The following NEBL variants were observed in gnomAD, a reference collection of about 807,000 sequenced individuals.
NEBL encodes the protein nebulette, also known as LIM and SH3 protein 2.
Under a neutral mutation model 140.2 loss-of-function variants are expected in NEBL, and 122 were observed. The observed-to-expected ratio is 0.87, with a 90% CI of 0.75 to 1.01. NEBL has a LOEUF of 1.01. Ranked by LOEUF, NEBL falls within the 50% of genes least tolerant of loss-of-function variation. The pLI, the probability that NEBL is intolerant of heterozygous loss-of-function variation, is 0.00. For missense variants in NEBL, 1,365 were observed against 1,231.3 expected (o/e 1.11, Z -1.62); for synonymous variants, 436 against 398.9 (o/e 1.09, Z -1.11).
At chr10:20,830,387 G>T (rs910113112) in intron 16 of NEBL, among the ~76,000 whole-genome samples, 6 of 151,930 alleles carry the variant, frequency 3.9e-5, no homozygotes, top group African/African-American at 1.5e-4. Flanking sequence ...TTACAGCAAA[G>T]ATATTATTTG....
intron 2 of NEBL, chr10:21,113,179 T>C: frequency 1.4e-5 from 4 of 292,748 alleles, no homozygotes; most frequent in South Asian, 7.0e-5. Flanking sequence ...GAAGAAAAAG[T>C]GCCAGTGAAG....
intron 14 of NEBL, among the ~76,000 whole-genome samples, chr10:20,833,960 G>T (rs1351111743): frequency 6.6e-6 from 1 of 152,064 alleles, no homozygotes; most frequent in Non-Finnish European, 1.5e-5. Context: ...TCTATGCTTT[G>T]GTTGGCGCCA....
chr10:21,073,432 C>A (rs908387929), intron 2 of NEBL, among the ~76,000 whole-genome samples: 2 of 151,436 alleles, frequency 1.3e-5, no homozygotes, highest in Admixed American at 6.6e-5. Context: ...ACCTGGCCAA[C>A]GTGGTGAAAC....
chr10:20,834,144 T>G (rs886434662), intron 14 of NEBL, among the ~76,000 whole-genome samples: 6 of 152,134 alleles, frequency 3.9e-5, no homozygotes, highest in Non-Finnish European at 7.3e-5. Context: ...TAGACCTATA[T>G]GAAGGAACAT....
At chr10:21,018,074 G>A (rs892851117) in intron 3 of NEBL, among the ~76,000 whole-genome samples, 1 of 152,058 alleles carries the variant, frequency 6.6e-6, no homozygotes, top group South Asian at 2.1e-4. Context: ...CACCCACCTC[G>A]GCCTCCCAAA....
chr10:21,288,820 G>GTGTGTGTATATATATATATATATA (rs1477748950), intron 1 of NEBL, among the ~76,000 whole-genome samples: 2 of 35,024 alleles, frequency 5.7e-5, no homozygotes, highest in African/African-American at 1.9e-4. Flanking sequence ...GTGTGTGTGT[G>GTGTGTGTATATATATATATATATA]TATATATATA....
intron 3 of NEBL, among the ~76,000 whole-genome samples, chr10:21,015,359 G>A (rs947989074): frequency 4.6e-5 from 7 of 152,184 alleles, no homozygotes; most frequent in South Asian, 2.1e-4. Context: ...CCATTTCAAC[G>A]GCTTTGAGAA....
At chr10:21,056,772 A>G (rs1167205081) in intron 2 of NEBL, among the ~76,000 whole-genome samples, 1 of 152,224 alleles carries the variant, frequency 6.6e-6, no homozygotes, top group African/African-American at 2.4e-5. Context: ...AAGAAAGCAA[A>G]TCACAAAATC....
chr10:20,802,221 C>T (rs1209891359), intron 26 of NEBL, among the ~76,000 whole-genome samples: 2 of 152,150 alleles, frequency 1.3e-5, no homozygotes, highest in South Asian at 4.1e-4. Context: ...GAAGCAGATA[C>T]ACATTGCAGG....
At chr10:20,868,523 G>T in intron 7 of NEBL, 141 bp downstream of exon 7, 1 of 714,786 alleles carries the variant, frequency 1.4e-6, no homozygotes, top group South Asian at 1.6e-5. Flanking sequence ...ATGATTGCAA[G>T]CCCATCTGAA....
chr10:21,239,753 C>T (rs1196837117), intron 3 of NEBL, among the ~76,000 whole-genome samples: 1 of 152,158 alleles, frequency 6.6e-6, no homozygotes, highest in African/African-American at 2.4e-5. Context: ...CGCGGTGGCT[C>T]ACGCCTGTAA....
chr10:21,029,158 A>G lies in NEBL; in HGVS notation c.165-8957T>C. Reference sequence around the variant, plus strand: ...TGACCTGGAAGGAGATGTTTCAACGATTTGACACAGTAATGATAACAATGT... The same window carrying G: ...TGACCTGGAAGGAGATGTTTCAACGGTTTGACACAGTAATGATAACAATGT... On this transcript the variant is annotated intron_variant, in intron 2 of 6. Coordinates refer to the NEBL transcript ENST00000417816. 3 of 1,337,254 alleles carry G rather than the reference A, an allele frequency of 2.2e-6. No homozygotes were observed. The South Asian group carries it at 3.5e-5, about 16-fold the overall frequency. The allele number at this position is 1,337,254 out of a possible 1,614,324, so 82.8% of individuals were successfully genotyped here. A position where few individuals can be genotyped will look rare whatever the true frequency, so the allele number is the denominator to read the frequency against.
At chr10:21,162,215 C>T (rs1236761180) in intron 2 of NEBL, among the ~76,000 whole-genome samples, 1 of 152,228 alleles carries the variant, frequency 6.6e-6, no homozygotes, top group Non-Finnish European at 1.5e-5. Context: ...AGCCCCATAT[C>T]CAGGATCCTC....
chr10:20,838,677 A>C (rs931246860), intron 13 of NEBL, among the ~76,000 whole-genome samples: 32 of 152,270 alleles, frequency 2.1e-4, no homozygotes, highest in African/African-American at 7.2e-4. Context: ...GGAAGAGGCA[A>C]TTAATGTGGC....
intron 3 of NEBL, among the ~76,000 whole-genome samples, chr10:21,202,467 T>C (rs932444527): frequency 1.6e-4 from 23 of 144,540 alleles, no homozygotes; most frequent in South Asian, 4.4e-4. Flanking sequence ...TTTTCTTTTT[T>C]TTTTTTTTTT....
intron 3 of NEBL, among the ~76,000 whole-genome samples, chr10:21,001,249 A>T (rs1837884568): frequency 6.6e-6 from 1 of 152,180 alleles, no homozygotes; most frequent in Non-Finnish European, 1.5e-5. Context: ...TTCCAGGTGA[A>T]AACAGGTACC....
chr10:21,157,586 A>G (rs1325192132), intron 2 of NEBL, among the ~76,000 whole-genome samples: 2 of 152,162 alleles, frequency 1.3e-5, no homozygotes, highest in Non-Finnish European at 2.9e-5. Flanking sequence ...ATAAAAAAAA[A>G]TTGACAGCAT....
chr10:20,997,434 C>T (rs1278409634), intron 3 of NEBL, among the ~76,000 whole-genome samples: 2 of 133,380 alleles, frequency 1.5e-5, no homozygotes, highest in African/African-American at 2.9e-5. Context: ...CCCATCCCTA[C>T]AGCCGCAAAC....
chr10:21,014,653 G>A (rs778145676), intron 3 of NEBL, among the ~76,000 whole-genome samples: 2 of 152,092 alleles, frequency 1.3e-5, no homozygotes, highest in Non-Finnish European at 2.9e-5. Flanking sequence ...CCATCTTACT[G>A]GATGGTTAGA....
Sources: allele counts gnomAD v4.1 joint callset (sites outside exome capture counted in the v4.1 genomes callset), GRCh38; gene constraint gnomAD v4.1.1; transcripts MANE v1.5; gene names NCBI Gene and HGNC (gene_info 2026-07-23, HGNC 2026-07-21).